ANXA10: variants seen among roughly 807,000 people sequenced by gnomAD.
ANXA10 encodes annexin 14.
Under a neutral mutation model 53.5 loss-of-function variants are expected in ANXA10, and 49 were observed. The ratio of observed to expected loss-of-function variants is 0.92; its 90% confidence interval spans 0.73 to 1.16. The LOEUF is 1.16. Among genes scored for constraint, ANXA10 ranks in the 50% most tolerant of loss-of-function variants. The probability of loss-of-function intolerance (pLI) is 0.00; values close to 1 mark genes in which losing one functional copy is unlikely to be tolerated. For missense variants in ANXA10, 393 were observed against 394.4 expected (o/e 1.00, Z 0.03); for synonymous variants, 131 against 128.9 (o/e 1.02, Z -0.11).
At chr4:168,155,830 ATATATCAT>A (rs1303303138) in intron 3 of ANXA10, among the ~76,000 whole-genome samples, 45 of 12,344 alleles carry the variant, frequency 3.6e-3, no homozygotes, top group African/African-American at 0.013. Flanking sequence ...ATGATATATG[ATATATCAT>A]ATATAATATA....
intron 6 of ANXA10, among the ~76,000 whole-genome samples, chr4:168,166,630 T>TTGTG: frequency 8.8e-6 from 1 of 113,790 alleles, no homozygotes; most frequent in African/African-American, 3.3e-5. Flanking sequence ...GTTTTGTGTT[T>TTGTG]CGTGTGTGTG....
intron 3 of ANXA10, among the ~76,000 whole-genome samples, chr4:168,147,930 G>A (rs1390245971): frequency 6.6e-6 from 1 of 152,204 alleles, no homozygotes; most frequent in Non-Finnish European, 1.5e-5. Flanking sequence ...GGGAGACAGA[G>A]GCTCTGCATT....
intron 3 of ANXA10, among the ~76,000 whole-genome samples, chr4:168,159,476 T>A (rs1216873271): frequency 1.3e-5 from 2 of 152,206 alleles, no homozygotes; most frequent in Admixed American, 1.3e-4. Context: ...CTTTACCCCT[T>A]CCATAAGGGC....
chr4:168,179,108 T>A (rs1732188626), intron 8 of ANXA10, 109 bp from the exon 9 acceptor site: 1 of 681,038 alleles, frequency 1.5e-6, no homozygotes, highest in Non-Finnish European at 2.5e-6. Context: ...ATAACAGTAG[T>A]ACTTTTAATT....
At chr4:168,100,437 A>ACCC (rs1333361426) in intron 1 of ANXA10, among the ~76,000 whole-genome samples, 2 of 152,220 alleles carry the variant, frequency 1.3e-5, no homozygotes, top group African/African-American at 4.8e-5. Context: ...GATGATTGTC[A>ACCC]CCCATCTTTC....
intron 2 of ANXA10, 82 bp downstream of exon 2, chr4:168,128,247 A>T: frequency 1.0e-6 from 1 of 993,144 alleles, no homozygotes; most frequent in Non-Finnish European, 1.5e-6. Flanking sequence ...TGGGTATAAA[A>T]TAGTTGATGT....
chr4:168,104,781 A>G (rs1186598167), intron 1 of ANXA10, among the ~76,000 whole-genome samples: 1 of 151,918 alleles, frequency 6.6e-6, no homozygotes, highest in African/African-American at 2.4e-5. Context: ...TTGTTGTCCA[A>G]ATAATAACTT....
chr4:168,160,064 T>C (rs1731755550), intron 3 of ANXA10, among the ~76,000 whole-genome samples: 1 of 152,152 alleles, frequency 6.6e-6, no homozygotes, highest in Non-Finnish European at 1.5e-5. Context: ...CCTCAAATGT[T>C]ATTTTAAGTT....
chr4:168,130,834 A>ATC lies in ANXA10; in HGVS notation c.100+2683_100+2684dup, dbSNP rs139728408. On this transcript the variant is annotated intron_variant, in intron 2 of 11. Transcript: ENST00000359299. ...TTCGTTTCTGATATTCGTAAGTTTT[A>ATC]TCTCTCTCTCTCTCTGTCTCTGTCT... Among the ~76,000 whole-genome samples, 83 of 149,040 alleles carry ATC rather than the reference A, an allele frequency of 5.6e-4. 1 individual carries two copies. The Middle Eastern group carries it at 0.01, about 18-fold the overall frequency.
intron 3 of ANXA10, among the ~76,000 whole-genome samples, chr4:168,152,858 T>C (rs1420285037): frequency 6.6e-6 from 1 of 150,926 alleles, no homozygotes; most frequent in African/African-American, 2.4e-5. Flanking sequence ...ATCTATTGTT[T>C]TTGAGACAAG....
At chr4:168,099,629 C>T (rs1730609350) in intron 1 of ANXA10, among the ~76,000 whole-genome samples, 1 of 152,092 alleles carries the variant, frequency 6.6e-6, no homozygotes, top group Admixed American at 6.6e-5. Flanking sequence ...CGAGATCTCA[C>T]TCCCTTCTGG....
chr4:168,137,921 C>CT (rs771777445), intron 2 of ANXA10, among the ~76,000 whole-genome samples: 16 of 150,412 alleles, frequency 1.1e-4, no homozygotes, highest in South Asian at 8.4e-4. Context: ...TTAAGCATTC[C>CT]TTTTTTTGCA....
chr4:168,171,850 T>C (rs1015200575), intron 6 of ANXA10, among the ~76,000 whole-genome samples: 4 of 152,200 alleles, frequency 2.6e-5, no homozygotes, highest in African/African-American at 9.6e-5. Flanking sequence ...CAAATCACAC[T>C]GGAGATGATA....
At chr4:168,127,698 TC>T (rs1451688758) in intron 1 of ANXA10, 1 of 429,188 alleles carries the variant, frequency 2.3e-6, no homozygotes, top group South Asian at 1.8e-5. Context: ...AAATTTTCTC[TC>T]TGCAATTGAC....
chr4:168,155,785 ATT>A (rs1402823897), intron 3 of ANXA10, among the ~76,000 whole-genome samples: 3 of 20,774 alleles, frequency 1.4e-4, no homozygotes, highest in Admixed American at 8.9e-4. Context: ...TATATTATAT[ATT>A]ATATATAATA....
intron 1 of ANXA10, among the ~76,000 whole-genome samples, chr4:168,102,246 C>T (rs1730652182): frequency 6.6e-6 from 1 of 151,984 alleles, no homozygotes; most frequent in South Asian, 2.1e-4. Flanking sequence ...TTGGGTTTTC[C>T]ATACATCTTT....
intron 1 of ANXA10, among the ~76,000 whole-genome samples, chr4:168,118,069 A>G (rs1407579291): frequency 6.6e-6 from 1 of 152,046 alleles, no homozygotes; most frequent in Non-Finnish European, 1.5e-5. Context: ...CAAACTCCAC[A>G]CAGTATCACT....
At chr4:168,163,710 A>T (rs922868032) in intron 4 of ANXA10, among the ~76,000 whole-genome samples, 6 of 152,158 alleles carry the variant, frequency 3.9e-5, no homozygotes, top group African/African-American at 9.7e-5. Context: ...TGTCTGCAAG[A>T]GACCACAGAA....
intron 1 of ANXA10, among the ~76,000 whole-genome samples, chr4:168,100,918 T>C (rs1730628438): frequency 6.6e-6 from 1 of 152,106 alleles, no homozygotes; most frequent in Non-Finnish European, 1.5e-5. Context: ...ATAAGCACAG[T>C]GCAACTAACT....
Sources: allele counts gnomAD v4.1 joint callset (sites outside exome capture counted in the v4.1 genomes callset), GRCh38; gene constraint gnomAD v4.1.1; transcripts MANE v1.5; gene names NCBI Gene and HGNC (gene_info 2026-07-23, HGNC 2026-07-21).